Variants in RNF138 observed in about 807,000 individuals in gnomAD.
The protein encoded by RNF138 is E3 ubiquitin-protein ligase RNF138.
In RNF138, 12 loss-of-function variants were observed where a neutral mutation model predicts 31.0. The observed-to-expected ratio is 0.39, with a 90% CI of 0.25 to 0.63. RNF138 has a LOEUF of 0.63. RNF138 is among the 20% of genes least tolerant of loss of function. The pLI is 0.52. For synonymous variants in RNF138, 105 were observed against 99.5 expected (o/e 1.06, Z -0.33); for missense variants, 192 against 300.1 (o/e 0.64, Z 2.66).
intron 3 of RNF138, among the ~76,000 whole-genome samples, chr18:32,113,519 C>T (rs1305842281): frequency 6.6e-6 from 1 of 152,008 alleles, no homozygotes; most frequent in Non-Finnish European, 1.5e-5. Flanking sequence ...CTGTTTTTTG[C>T]AGTGAATTTA....
chr18:32,123,660 T>C, intron 5 of RNF138, 86 bp downstream of exon 5: 1 of 999,498 alleles, frequency 1.0e-6, no homozygotes, highest in Non-Finnish European at 1.4e-6. Context: ...AACTTTTTTT[T>C]TTTTTTTTTG....
At chr18:32,122,024 ACAC>A (rs2040314351) in intron 4 of RNF138, among the ~76,000 whole-genome samples, 1 of 151,936 alleles carries the variant, frequency 6.6e-6, no homozygotes, top group Admixed American at 6.6e-5. Flanking sequence ...GCCCGTCACC[ACAC>A]CCGGCTAATT....
chr18:32,103,890 T>C lies in RNF138; in HGVS notation c.111-7864T>C, dbSNP rs936075592. 2.5e-3 allele frequency among the ~76,000 whole-genome samples: 378 copies of C among 151,458 alleles called. 3 individuals are homozygous for C. Among genetic ancestry groups the C allele is most frequent in the Non-Finnish European group, 2.1e-3 (142 of 67,920 alleles). The stretch of plus-strand genomic sequence containing the variant: ...CTGAGGCAGGAGATGGTGTGAACCC[T>C]GGAGGCAGAGCTTGCAGTGAGCTGA... On this transcript the variant is annotated intron_variant, in intron 2 of 7. Coordinates refer to ENST00000261593, the MANE Select transcript of RNF138 (RefSeq NM_016271.5).
intron 3 of RNF138, among the ~76,000 whole-genome samples, chr18:32,112,245 C>A (rs2040144109): frequency 6.6e-6 from 1 of 152,136 alleles, no homozygotes; most frequent in Non-Finnish European, 1.5e-5. Context: ...CATTCTGGTA[C>A]AAATTCACCC....
At chr18:32,104,146 TG>T (rs906256525) in intron 2 of RNF138, among the ~76,000 whole-genome samples, 4 of 151,610 alleles carry the variant, frequency 2.6e-5, no homozygotes, top group African/African-American at 9.7e-5. Flanking sequence ...CCCAAATAGT[TG>T]GGATTACAGG....
chr18:32,125,033 T>G (rs1388551728), intron 6 of RNF138, 188 bp downstream of exon 6: 3 of 526,456 alleles, frequency 5.7e-6, no homozygotes, highest in African/African-American at 1.9e-5. Flanking sequence ...TTGCAGTAAC[T>G]CTCATTATAA....
chr18:32,100,788 A>G (rs1426429557), intron 2 of RNF138, among the ~76,000 whole-genome samples: 2 of 151,876 alleles, frequency 1.3e-5, no homozygotes, highest in Non-Finnish European at 2.9e-5. Context: ...TATTTTTTGT[A>G]TAGACTGGGT....
chr18:32,097,998 T>C (rs1262524762), intron 2 of RNF138, among the ~76,000 whole-genome samples: 1 of 150,862 alleles, frequency 6.6e-6, no homozygotes, highest in Non-Finnish European at 1.5e-5. Context: ...TGTTTGTTTG[T>C]TTGTTTTGAG....
intron 6 of RNF138, 29 bp from the exon 7 acceptor site, chr18:32,126,664 T>C (rs1486043629): frequency 7.9e-7 from 1 of 1,257,994 alleles, no homozygotes; most frequent in South Asian, 1.3e-5. Flanking sequence ...TTTTATTATT[T>C]TTTGTTTAAA....
At chr18:32,106,230 G>A (rs527681429) in intron 2 of RNF138, among the ~76,000 whole-genome samples, 3 of 152,312 alleles carry the variant, frequency 2.0e-5, no homozygotes, top group South Asian at 4.1e-4. Context: ...GGTTGCACGA[G>A]TGGTCTATTC....
chr18:32,116,214 A>G (rs1054190161), intron 4 of RNF138, among the ~76,000 whole-genome samples: 20 of 152,124 alleles, frequency 1.3e-4, no homozygotes, highest in Admixed American at 1.3e-3. Flanking sequence ...GTAATATCCC[A>G]ACCTGCATTT....
At position 32,101,521 on chromosome 18, in the gene RNF138, C is replaced by T. The variant is rs377731440; in HGVS notation, c.110+8635C>T. 4.5e-4 allele frequency among the ~76,000 whole-genome samples: 69 copies of T among 152,046 alleles called. 2 individuals are homozygous for T. The South Asian group carries it at 0.014, about 32-fold the overall frequency. On this transcript the variant is annotated intron_variant, in intron 2 of 7. Coordinates refer to ENST00000261593, the MANE Select transcript of RNF138 (RefSeq NM_016271.5). ...TTTATTAACATTTTATTTTTTTAAG[C>T]CTTAGTTTCCTCATCTGTAAAATGA...
intron 4 of RNF138, among the ~76,000 whole-genome samples, chr18:32,116,060 C>T (rs959436226): frequency 6.6e-5 from 10 of 152,140 alleles, no homozygotes; most frequent in East Asian, 5.8e-4. Flanking sequence ...GTATGAGAGG[C>T]GATGATGATG....
At chr18:32,098,563 A>AC (rs898667588) in intron 2 of RNF138, among the ~76,000 whole-genome samples, 29 of 150,946 alleles carry the variant, frequency 1.9e-4, no homozygotes, top group African/African-American at 7.1e-4. Flanking sequence ...TTATATAATA[A>AC]AGGTTGAGGC....
intron 4 of RNF138, among the ~76,000 whole-genome samples, chr18:32,115,301 C>G (rs993197864): frequency 5.3e-5 from 8 of 152,118 alleles, no homozygotes; most frequent in Non-Finnish European, 1.2e-4. Flanking sequence ...AGCAATATTC[C>G]TCATCTGTAC....
rs1033844574 is a variant in RNF138 at position 32,091,879 on chromosome 18, G to A, written c.-434G>A. The A allele has an allele frequency of 6.6e-6, 1 of 152,068 alleles. No individual in the cohort carries two copies. Among genetic ancestry groups the A allele is most frequent in the African/African-American group, 2.4e-5 (1 of 41,404 alleles). 9.4% of individuals were successfully genotyped at this position (152,068 alleles called of 1,614,324 possible). ...CGTCACAACCCGCGGAAGGCGCCGT[G>A]CGCCGGTTGCTATACAGGCCGCACT... On this transcript the variant is annotated 5_prime_UTR_variant, in exon 1 of 8. Transcript: ENST00000261593.
intron 2 of RNF138, among the ~76,000 whole-genome samples, chr18:32,105,025 TG>T (rs1334695050): frequency 6.6e-6 from 1 of 152,222 alleles, no homozygotes; most frequent in Non-Finnish European, 1.5e-5. Context: ...TTGGCTTCTT[TG>T]ATTTTCCTGT....
chr18:32,098,334 A>G (rs562795529), intron 2 of RNF138, among the ~76,000 whole-genome samples: 25 of 151,946 alleles, frequency 1.6e-4, no homozygotes, highest in Non-Finnish European at 2.9e-4. Context: ...AATTTTTTAG[A>G]GATGGGGTCT....
At chr18:32,101,639 A>G (rs1344333125) in intron 2 of RNF138, among the ~76,000 whole-genome samples, 1 of 152,156 alleles carries the variant, frequency 6.6e-6, no homozygotes, top group Non-Finnish European at 1.5e-5. Flanking sequence ...AGCACATATT[A>G]TGTACGCAAT....
Sources: allele counts gnomAD v4.1 joint callset (sites outside exome capture counted in the v4.1 genomes callset), GRCh38; gene constraint gnomAD v4.1.1; transcripts MANE v1.5; gene names NCBI Gene and HGNC (gene_info 2026-07-23, HGNC 2026-07-21).